Variants in ALKBH2 observed in about 807,000 individuals in gnomAD.
ALKBH2 encodes DNA oxidative demethylase ALKBH2.
A neutral mutation model predicts 19.7 loss-of-function variants in ALKBH2; 19 were observed. The ratio of observed to expected loss-of-function variants is 0.97; its 90% CI spans 0.67 to 1.42. The LOEUF is 1.42. Ranked by LOEUF, ALKBH2 falls within the 40% of genes most tolerant of loss-of-function variation. ALKBH2 has a pLI of 0.00. For missense variants in ALKBH2, 310 were observed against 328.5 expected (o/e 0.94, Z 0.43); for synonymous variants, 135 against 131.2 (o/e 1.03, Z -0.20).
At chr12:109,091,409 G>A (rs760854020) in intron 2 of ALKBH2, among the ~76,000 whole-genome samples, 4 of 152,068 alleles carry the variant, frequency 2.6e-5, no homozygotes, top group African/African-American at 4.8e-5. Context: ...ATAAAGTGAC[G>A]AGGGGGTCTC....
At position 109,092,605 on chromosome 12, in the gene ALKBH2, C is replaced by G; in HGVS notation, c.182G>C (p.Arg61Pro). 5 of 1,614,148 alleles carry G rather than the reference C, an allele frequency of 3.1e-6. No homozygotes were observed. Among genetic ancestry groups the G allele is most frequent in the Non-Finnish European group, 4.2e-6 (5 of 1,180,010 alleles). ...GTAACTGCAGTCCAGGCCCTCAGCC[C>G]GAATGTGCCGCCAGCTAGGGCCTGC... is the stretch of plus-strand genomic sequence containing the variant. ...HSAGPSWRHI[R>P]AEGLDCSYTV... is the part of the protein sequence containing the mutation. The change falls in exon 2 of 4, where the codon CGG becomes CCG. Residue 61 changes from arginine to proline, a missense_variant. By Grantham distance (103) the Arg-to-Pro change is moderately radical. Transcript: ENST00000429722.
intron 3 of ALKBH2, 64 bp downstream of exon 3, chr12:109,089,945 T>C: frequency 6.3e-7 from 1 of 1,585,462 alleles, no homozygotes; most frequent in Non-Finnish European, 8.7e-7. Context: ...GGTGGAACCC[T>C]AAACACTTCC....
rs768473414 is a variant in ALKBH2 at position 109,089,992 on chromosome 12, A to G, written c.479+17T>C. 6.2e-7 allele frequency: 1 copy of G among 1,613,490 alleles called. No homozygotes were observed. Among genetic ancestry groups the G allele is most frequent in the African/African-American group, 1.3e-5 (1 of 75,060 alleles). Reference sequence around the variant, plus strand: ...ACAGAAGACTTGTAACATTGAGTCCACTAAACAGGGTGTCACCTGTTGATG... The same window carrying G: ...ACAGAAGACTTGTAACATTGAGTCCGCTAAACAGGGTGTCACCTGTTGATG... On this transcript the variant is annotated intron_variant, in intron 3 of 3. Transcript: ENST00000429722.
Position 109,088,249 on chromosome 12 carries a change from C to T in ALKBH2, c.743G>A (p.Arg248Gln), listed in dbSNP as rs755000159. 6 of 1,611,260 alleles carry T rather than the reference C, an allele frequency of 3.7e-6. No homozygotes were observed. The highest frequency in any genetic ancestry group is 3.3e-5 in the South Asian group (3 of 90,810). ...AATTTTACGAAAAGTCAGATTCACC[C>T]GTGGAGCCAGAACCTTCTTTCTCAC... The part of the protein sequence containing the change: ...LPVRKKVLAP[R>Q]VNLTFRKILL... The change falls in exon 4 of 4, where the codon CGG (arginine) becomes CAG (glutamine). Residue 248 changes from arginine to glutamine, a missense_variant. Coordinates refer to ENST00000429722, the MANE Select transcript of ALKBH2 (RefSeq NM_001145374.2). The surrounding 1 kb of genome is among the most constrained non-coding windows in gnomAD (Gnocchi z 4.2).
At chr12:109,089,364 G>C (rs142729063) in intron 3 of ALKBH2, among the ~76,000 whole-genome samples, 1,664 of 152,204 alleles carry the variant, frequency 0.011, 12 homozygotes, top group Non-Finnish European at 0.017. Flanking sequence ...ACCCACCCAG[G>C]GTTCTCCACC....
At chr12:109,089,434 G>A (rs1319060857) in intron 3 of ALKBH2, among the ~76,000 whole-genome samples, 2 of 152,286 alleles carry the variant, frequency 1.3e-5, no homozygotes, top group South Asian at 2.1e-4. Context: ...TTGCAATCTA[G>A]TGGATGGAGG....
At chr12:109,092,348 C>T (rs1461179511) in intron 2 of ALKBH2, 159 bp downstream of exon 2, 1 of 1,151,132 alleles carries the variant, frequency 8.7e-7, no homozygotes, top group Non-Finnish European at 1.1e-6. Flanking sequence ...ACCTAAGGGG[C>T]TTAGCCCAGA....
rs753275792 is a variant in ALKBH2, at chr12:109,088,667, T to C, written c.480-155A>G. Among the ~76,000 whole-genome samples, 46 of 152,036 alleles carry C rather than the reference T, an allele frequency of 3.0e-4. No individual in the cohort carries two copies. Among genetic ancestry groups the C allele is most frequent in the Non-Finnish European group, 6.2e-4 (42 of 68,026 alleles). On this transcript the variant is annotated intron_variant, in intron 3 of 3. Transcript: ENST00000429722. The surrounding 1 kb of genome is among the most constrained non-coding windows in gnomAD (Gnocchi z 4.2). The stretch of plus-strand genomic sequence containing the variant: ...AGGGCTTGAGGTCCACAGTGGGCTC[T>C]AAGATAAGCCAACGCTGAAGAGGTC...
chr12:109,089,626 G>A (rs1388599934), intron 3 of ALKBH2: 3 of 243,330 alleles, frequency 1.2e-5, no homozygotes, highest in Non-Finnish European at 2.5e-5. Context: ...GTCTGAAATC[G>A]TCTAGGGTCA....
At chr12:109,089,812 T>C in intron 3 of ALKBH2, 197 bp downstream of exon 3, 1 of 596,504 alleles carries the variant, frequency 1.7e-6, no homozygotes. Flanking sequence ...GTTCAGGAGT[T>C]AATCACCTCT....
In ALKBH2 at chr12:109,092,496, C is replaced by CG; in HGVS notation, c.280+10_280+11insC. Reference sequence around the variant, plus strand: ...ATGCACACACACACACACACACACCCCTCTGCTTACCTGTAAAATATTCTA... The same window carrying CG: ...ATGCACACACACACACACACACACCCGCTCTGCTTACCTGTAAAATATTCTA... On this transcript the variant is annotated intron_variant, in intron 2 of 3. Transcript: ENST00000429722. 1 of 1,557,702 alleles carries CG rather than the reference C, an allele frequency of 6.4e-7. No homozygotes were observed. The highest frequency in any genetic ancestry group is 1.2e-5 in the South Asian group (1 of 81,548).
At chr12:109,091,808 C>A (rs1452377705) in intron 2 of ALKBH2, among the ~76,000 whole-genome samples, 3 of 152,190 alleles carry the variant, frequency 2.0e-5, no homozygotes, top group Non-Finnish European at 4.4e-5. Context: ...TCTCGGGCTC[C>A]CAAAGTGCTG....
rs1037051709 is a variant in ALKBH2, at chr12:109,088,940, G to A, written c.480-428C>T. On this transcript the variant is annotated intron_variant, in intron 3 of 3. Coordinates refer to ENST00000429722, the MANE Select transcript of ALKBH2 (RefSeq NM_001145374.2). The surrounding 1 kb of genome is among the most constrained non-coding windows in gnomAD (Gnocchi z 4.2). ...TTACCCAGGCTGGTCTCAAACTCGG[G>A]CTCAAGCAATTCACTCTCCTTGGCC... Among the ~76,000 whole-genome samples the A allele has an allele frequency of 1.3e-5, 2 of 152,076 alleles. No individual in the cohort carries two copies. Among genetic ancestry groups the A allele is most frequent in the Admixed American group, 1.3e-4 (2 of 15,280 alleles).
At chr12:109,092,472 T>C (rs763388619) in intron 2 of ALKBH2, 35 bp downstream of exon 2, 3 of 821,284 alleles carry the variant, frequency 3.7e-6, no homozygotes, top group Non-Finnish European at 4.9e-6. Context: ...AAGCCCTCAA[T>C]GCACACACAC....
At position 109,092,778 on chromosome 12, in the gene ALKBH2, T is replaced by C; in HGVS notation, c.9A>G (p.Arg3=). The change falls in exon 2 of 4, where the codon AGA becomes AGG. Residue 3 remains arginine (R), a synonymous_variant. Transcript: ENST00000429722. ...CCCCTTGAGCCCCTTTCACCAGGAA[T>C]CTGTCCATCCTGTCCCCACAGGAAA... is the stretch of plus-strand genomic sequence containing the variant. MD[R]FLVKGAQGGL... is the part of the protein sequence containing the mutation. The C allele has an allele frequency of 6.2e-7, 1 of 1,612,778 alleles. No homozygotes were observed. Among genetic ancestry groups the C allele is most frequent in the Non-Finnish European group, 8.5e-7 (1 of 1,179,316 alleles).
In ALKBH2 at chr12:109,088,391, C is replaced by A. The variant is rs963039538; in HGVS notation, c.601G>T (p.Asp201Tyr). The change falls in exon 4 of 4, where the codon GAT becomes TAT. Residue 201 changes from aspartate to tyrosine, a missense_variant. Asp to Tyr is a radical substitution (Grantham distance 160, BLOSUM62 -3). Coordinates refer to ENST00000429722, the MANE Select transcript of ALKBH2 (RefSeq NM_001145374.2). This position sits in a 1 kb window ranked among gnomAD's most constrained non-coding sequence, Gnocchi z 4.2. ...CTGGAGGGGCTTTTCCCACGGGAATCCTTATGCCGGAAGACAAAGTCTCTG... is the reference window on the plus strand; with the variant it reads ...CTGGAGGGGCTTTTCCCACGGGAATACTTATGCCGGAAGACAAAGTCTCTG... ...ACRDFVFRHK[D>Y]SRGKSPSRRV... 1 of 1,613,816 alleles carries A rather than the reference C, an allele frequency of 6.2e-7. No individual in the cohort carries two copies.
In ALKBH2 at chr12:109,088,293, G is replaced by C. The variant is rs145985149; in HGVS notation, c.699C>G (p.His233Gln). ...LLMMNHPTNT[H>Q]WYHSLPVRKK... ...TTCTCACGGGAAGACTGTGGTACCA[G>C]TGCGTGTTGGTCGGGTGGTTCATCA... Residue 233 changes from histidine (H) to glutamine (Q), a missense_variant, in exon 4 of 4, where the codon CAC becomes CAG. By Grantham distance (24) the His-to-Gln change is conservative (BLOSUM62 0). Coordinates refer to ENST00000429722, the MANE Select transcript of ALKBH2 (RefSeq NM_001145374.2). The surrounding 1 kb of genome is among the most constrained non-coding windows in gnomAD (Gnocchi z 4.2). 1.2e-6 allele frequency: 2 copies of C among 1,614,180 alleles called. No individual in the cohort carries two copies. Among genetic ancestry groups the C allele is most frequent in the South Asian group, 2.2e-5 (2 of 91,082 alleles).
At chr12:109,093,079 T>C (rs547539556) in intron 1 of ALKBH2, 142 bp from the exon 2 acceptor site, 3 of 416,640 alleles carry the variant, frequency 7.2e-6, no homozygotes, top group South Asian at 7.7e-5. Context: ...CCTGAGCACC[T>C]GAATTTTTAA....
rs1428004678 is a variant in ALKBH2 at position 109,091,731 on chromosome 12, G to A, written c.280+776C>T. 3.9e-5 allele frequency among the ~76,000 whole-genome samples: 6 copies of A among 152,122 alleles called. No homozygotes were observed. In the South Asian group the frequency reaches 8.3e-4, roughly 21 times the overall value. On this transcript the variant is annotated intron_variant, in intron 2 of 3. Transcript: ENST00000429722. Reference sequence around the variant, plus strand: ...TTTTTGTTGTTGTTGTTGTATTTTAGTAGAGATAGGGTTTCACCATATTGG... The same window carrying A: ...TTTTTGTTGTTGTTGTTGTATTTTAATAGAGATAGGGTTTCACCATATTGG...
Sources: allele counts gnomAD v4.1 joint callset (sites outside exome capture counted in the v4.1 genomes callset), GRCh38; gene constraint gnomAD v4.1.1; non-coding constraint Gnocchi (gnomAD v3.1); transcripts MANE v1.5; gene names NCBI Gene and HGNC (gene_info 2026-07-23, HGNC 2026-07-21).